ANKRD11: variants seen among roughly 807,000 people sequenced by gnomAD.
The protein encoded by ANKRD11 is ankyrin repeat domain 11, also known as ankyrin repeat domain-containing protein 11.
In ANKRD11, 17 loss-of-function variants were observed where a neutral mutation model predicts 195.7. The observed-to-expected ratio is 0.09, with a 90% CI of 0.06 to 0.13. The LOEUF (loss-of-function observed/expected upper bound fraction) is 0.13. Among genes scored for constraint, ANKRD11 ranks in the 10% least tolerant of loss-of-function variants. The pLI, the probability that ANKRD11 is intolerant of heterozygous loss-of-function variation, is 1.00. For synonymous variants in ANKRD11, 1,953 were observed against 1,528.1 expected, an observed-to-expected ratio of 1.28 and a Z score of -6.49; for missense variants, 3,735 against 3,566.1, an observed-to-expected ratio of 1.05 and a Z score of -1.21.
intron 1 of ANKRD11, among the ~76,000 whole-genome samples, chr16:89,462,986 TC>T (rs1482951003): frequency 2.1e-5 from 3 of 142,658 alleles, no homozygotes; most frequent in Non-Finnish European, 4.6e-5. Context: ...AGCCGCCCCG[TC>T]CGGGAGGGAG....
In ANKRD11 at chr16:89,280,995, C is replaced by A. The variant is rs747701178; in HGVS notation, c.5547G>T (p.Gly1849=). ...PAEKFACLSP[G]YYSPDYGLPS... The stretch of plus-strand genomic sequence containing the variant: ...GGAGGCCATAGTCTGGGGAGTAGTA[C>A]CCTGGCGACAAGCAGGCAAACTTCT... The change falls in exon 9 of 13, where the codon GGG becomes GGT. Residue 1849 remains glycine, a synonymous_variant. Coordinates refer to ENST00000301030, the MANE Select transcript of ANKRD11 (RefSeq NM_013275.6). 2 of 1,579,754 alleles carry A rather than the reference C, an allele frequency of 1.3e-6. No homozygotes were observed. Among genetic ancestry groups the A allele is most frequent in the Non-Finnish European group, 8.6e-7 (1 of 1,161,284 alleles).
chr16:89,286,083 A>G lies in ANKRD11; in HGVS notation c.848T>C (p.Leu283Pro). 1 of 1,614,222 alleles carries G rather than the reference A, an allele frequency of 6.2e-7. No homozygotes were observed. Among genetic ancestry groups the G allele is most frequent in the Non-Finnish European group, 8.5e-7 (1 of 1,180,042 alleles). The change falls in exon 8 of 13, where the codon CTG becomes CCG. Residue 283 changes from leucine (L) to proline (P), a missense_variant. Transcript: ENST00000301030. ...GGAAGTGTAAGTGCCTTTGCCTAAC[A>G]GGAGGTTCACCATCGTGGGGGAGTT... ...VANSPTMVNL[L>P]LGKGTYTSSE...
intron 1 of ANKRD11, among the ~76,000 whole-genome samples, chr16:89,434,540 C>T (rs1418501503): frequency 1.3e-5 from 2 of 152,230 alleles, no homozygotes; most frequent in African/African-American, 4.8e-5. Flanking sequence ...CCCCACCTGT[C>T]ACAGTAAGGC....
chr16:89,468,971 C>T (rs2056976818), intron 1 of ANKRD11, among the ~76,000 whole-genome samples: 1 of 152,182 alleles, frequency 6.6e-6, no homozygotes, highest in South Asian at 2.1e-4. Flanking sequence ...AATTCAATGT[C>T]CATTCCTGAT....
chr16:89,398,021 G>T (rs1295972522), intron 2 of ANKRD11, among the ~76,000 whole-genome samples: 1 of 152,250 alleles, frequency 6.6e-6, no homozygotes, highest in Non-Finnish European at 1.5e-5. Flanking sequence ...TGACAATGTA[G>T]CACTGTCTAT....
chr16:89,309,094 C>T (rs2036466120), intron 3 of ANKRD11, among the ~76,000 whole-genome samples: 1 of 152,208 alleles, frequency 6.6e-6, no homozygotes, highest in South Asian at 2.1e-4. Flanking sequence ...ACACACACCA[C>T]ACCACCATGT....
intron 2 of ANKRD11, among the ~76,000 whole-genome samples, chr16:89,349,148 A>AAAAAAAAG (rs1256393498): frequency 6.9e-6 from 1 of 144,402 alleles, no homozygotes; most frequent in Non-Finnish European, 1.5e-5. Context: ...AAAAAAAAAA[A>AAAAAAAAG]AAAAAAAAAA....
At chr16:89,391,611 T>C (rs1184439776) in intron 2 of ANKRD11, among the ~76,000 whole-genome samples, 1 of 152,104 alleles carries the variant, frequency 6.6e-6, no homozygotes, top group Non-Finnish European at 1.5e-5. Flanking sequence ...AGCTTAGAAA[T>C]ACATGAAGTC....
chr16:89,470,805 C>A (rs924374409), intron 1 of ANKRD11, among the ~76,000 whole-genome samples: 1 of 151,634 alleles, frequency 6.6e-6, no homozygotes, highest in Non-Finnish European at 1.5e-5. Context: ...CTGGCTAACA[C>A]GGTGAAACCC....
In ANKRD11 at chr16:89,286,743, G is replaced by A. The variant is rs752756036; in HGVS notation, c.745-557C>T. On this transcript the variant is annotated intron_variant, in intron 7 of 12. Coordinates refer to ENST00000301030, the MANE Select transcript of ANKRD11 (RefSeq NM_013275.6). ...TGCTTGATTTTACAAGGGTAAGGGT[G>A]GTCACATGACTGACAGAGACAACCA... 52 of 1,286,488 alleles carry A rather than the reference G, an allele frequency of 4.0e-5. No individual in the cohort carries two copies. The South Asian group carries it at 5.6e-4, about 14-fold the overall frequency. 79.7% of individuals were successfully genotyped at this position (1,286,488 alleles called of 1,614,324 possible). A position where few individuals can be genotyped will look rare whatever the true frequency, so the allele number is the denominator to read the frequency against.
intron 2 of ANKRD11, among the ~76,000 whole-genome samples, chr16:89,330,231 G>A (rs1351225124): frequency 1.3e-5 from 2 of 152,096 alleles, no homozygotes; most frequent in Non-Finnish European, 2.9e-5. Flanking sequence ...GTCAGGGGCA[G>A]GACACAAAGC....
rs1364167746 is a variant in ANKRD11 at position 89,285,599 on chromosome 16, C to T, written c.943G>A (p.Asp315Asn). 2 of 1,614,012 alleles carry T rather than the reference C, an allele frequency of 1.2e-6. No homozygotes were observed. Among genetic ancestry groups the T allele is most frequent in the African/African-American group, 1.3e-5 (1 of 74,890 alleles). Residue 315 changes from aspartate (D) to asparagine (N), a missense_variant, in exon 9 of 13, where the codon GAC becomes AAC. Asp to Asn is a conservative substitution (Grantham distance 23, BLOSUM62 1). Transcript: ENST00000301030. The surrounding 1 kb of genome is among the most constrained non-coding windows in gnomAD (Gnocchi z 5.6). ...AACTCGGAGTCCGTGTTGTTGCCGT[C>T]GACTGAACTGGAAGGTGCGAAGGAT... is the stretch of plus-strand genomic sequence containing the variant. ...APSFAPSSSVDGNNTDSEFEK... is the reference protein window; with the variant it reads ...APSFAPSSSVNGNNTDSEFEK...
rs1243233337 is a variant in ANKRD11, at chr16:89,463,010, G to GC, written c.-145+27234dup. Among the ~76,000 whole-genome samples, 37 of 149,742 alleles carry GC rather than the reference G, an allele frequency of 2.5e-4. No individual in the cohort carries two copies. The South Asian group carries it at 6.6e-3, about 27-fold the overall frequency. On this transcript the variant is annotated intron_variant, in intron 1 of 12. Coordinates refer to ENST00000301030, the MANE Select transcript of ANKRD11 (RefSeq NM_013275.6). ...GTCCGGGAGGGAGGTGGGGGGGTCA[G>GC]CCCCCCGCCAGGCCAGCCGCCCCAT...
intron 2 of ANKRD11, among the ~76,000 whole-genome samples, chr16:89,332,332 G>A (rs2038109801): frequency 6.6e-6 from 1 of 152,152 alleles, no homozygotes; most frequent in African/African-American, 2.4e-5. Flanking sequence ...GAAGTCCTGG[G>A]ATGGCCCAAG....
chr16:89,334,157 A>AC (rs1469406521), intron 2 of ANKRD11, among the ~76,000 whole-genome samples: 5 of 139,448 alleles, frequency 3.6e-5, no homozygotes, highest in Non-Finnish European at 7.8e-5. Context: ...AAAAAAAAAA[A>AC]AAAAAAAAAA....
intron 2 of ANKRD11, chr16:89,321,344 G>C (rs2037309890): frequency 6.6e-6 from 1 of 151,842 alleles, no homozygotes; most frequent in Admixed American, 6.6e-5. Context: ...TCTGAGCTGG[G>C]CCAGGACAAC....
chr16:89,289,510 G>A (rs1160446820), intron 6 of ANKRD11, among the ~76,000 whole-genome samples: 7 of 152,198 alleles, frequency 4.6e-5, no homozygotes, highest in South Asian at 2.1e-4. Flanking sequence ...CCCCTGGGCC[G>A]TATCAGGTCT....
intron 6 of ANKRD11, chr16:89,288,923 C>G (rs1322553625): frequency 1.7e-6 from 1 of 591,086 alleles, no homozygotes; most frequent in Admixed American, 2.9e-5. Context: ...CAGGGCTAAT[C>G]TGCGGCAATC....
chr16:89,278,925 G>C (rs1007593663), intron 9 of ANKRD11, 147 bp downstream of exon 9: 2 of 1,307,904 alleles, frequency 1.5e-6, no homozygotes, highest in African/African-American at 2.9e-5. Flanking sequence ...CACAGCAGAA[G>C]TGGGGCTGTG....
Sources: gnomAD v4.1 joint callset for allele counts (sites outside exome capture counted in the v4.1 genomes callset) on GRCh38, gnomAD v4.1.1 for gene constraint, Gnocchi (gnomAD v3.1) non-coding constraint, MANE v1.5 for transcripts, NCBI Gene and HGNC (gene_info 2026-07-23, HGNC 2026-07-21) for gene names.